FRMPD4: variants seen among roughly 807,000 people sequenced by gnomAD.
The protein encoded by FRMPD4 is FERM and PDZ domain containing 4, also known as FERM and PDZ domain-containing protein 4.
FRMPD4 carries 22 observed loss-of-function variants against 94.1 expected under a neutral mutation model. That is an observed-to-expected ratio of 0.23 (90% CI 0.17 to 0.33). The LOEUF (loss-of-function observed/expected upper bound fraction) is 0.33, where lower values mean the gene tolerates loss of function less well. Among genes scored for constraint, FRMPD4 ranks in the 10% least tolerant of loss-of-function variants. FRMPD4 has a pLI of 1.00. For synonymous variants in FRMPD4, 631 were observed against 548.6 expected (o/e 1.15, Z -2.10); for missense variants, 1,111 against 1,339.9 (o/e 0.83, Z 2.67).
intron 1 of FRMPD4, among the ~76,000 whole-genome samples, chrX:12,245,705 A>G (rs1006759169): frequency 9.1e-6 from 1 of 109,593 alleles, no homozygotes; most frequent in Non-Finnish European, 1.9e-5. Flanking sequence ...TGCTGTTATC[A>G]TGGGTGTGGC....
chrX:12,317,341 T>A (rs1166531386), intron 1 of FRMPD4, among the ~76,000 whole-genome samples: 1 of 110,559 alleles, frequency 9.0e-6, no homozygotes, highest in African/African-American at 3.3e-5. Flanking sequence ...GAAGAAAACA[T>A]TCAGGAAATG....
intron 3 of FRMPD4, among the ~76,000 whole-genome samples, chrX:11,966,792 A>G (rs184793188): frequency 8.7e-4 from 98 of 112,240 alleles, no homozygotes; most frequent in Non-Finnish European, 1.4e-3. Flanking sequence ...GCTTTGATCT[A>G]AAATCCTCTT....
chrX:11,882,343 T>C (rs189267666), intron 3 of FRMPD4, among the ~76,000 whole-genome samples: 1 of 111,238 alleles, frequency 9.0e-6, no homozygotes, highest in Admixed American at 9.5e-5. Flanking sequence ...TTGGGAACTC[T>C]AGGGCGTTCA....
rs149191333 is a variant in FRMPD4, at chrX:12,508,264, G to A, written c.158+9468G>A. Reference sequence around the variant, plus strand: ...TCCTTTTGCTCCAAGCTCATGAGAGGTTCCTCAGGTGGTTCTTTTTTTTTT... The same window carrying A: ...TCCTTTTGCTCCAAGCTCATGAGAGATTCCTCAGGTGGTTCTTTTTTTTTT... On this transcript the variant is annotated intron_variant, in intron 2 of 16. Transcript: ENST00000675598. Among the ~76,000 whole-genome samples, 319 of 85,800 alleles carry A rather than the reference G, an allele frequency of 3.7e-3. 2 individuals are homozygous for A. Among genetic ancestry groups the A allele is most frequent in the African/African-American group, 0.015 (306 of 19,851 alleles). The allele number at this position is 85,800 out of a possible 115,157, so 74.5% of individuals were successfully genotyped here.
At chrX:12,473,580 C>T (rs1471310104) in intron 1 of FRMPD4, among the ~76,000 whole-genome samples, 3 of 109,429 alleles carry the variant, frequency 2.7e-5, no homozygotes, top group Non-Finnish European at 3.8e-5. Context: ...ACCTCATGTG[C>T]GGAGACACAC....
chrX:12,553,335 A>C (rs2058557974), intron 2 of FRMPD4, among the ~76,000 whole-genome samples: 2 of 105,786 alleles, frequency 1.9e-5, no homozygotes, highest in Non-Finnish European at 1.9e-5. Flanking sequence ...TCTGTTTTGC[A>C]ACTGCAGAGA....
intron 2 of FRMPD4, among the ~76,000 whole-genome samples, chrX:12,531,310 G>A (rs2058283696): frequency 8.9e-6 from 1 of 111,861 alleles, no homozygotes; most frequent in South Asian, 3.8e-4. Context: ...GTTTTAGTAA[G>A]GGACGTGGGA....
At chrX:11,902,755 A>G (rs1318743430) in intron 3 of FRMPD4, among the ~76,000 whole-genome samples, 1 of 111,379 alleles carries the variant, frequency 9.0e-6, no homozygotes, top group African/African-American at 3.3e-5. Context: ...TGGAATCGAA[A>G]TGGAAATGGT....
At chrX:12,431,880 G>T (rs766524519) in intron 1 of FRMPD4, among the ~76,000 whole-genome samples, 24 of 111,919 alleles carry the variant, frequency 2.1e-4, no homozygotes, top group African/African-American at 7.8e-4. Context: ...TGTCATTTCT[G>T]CCTTATCTGG....
intron 11 of FRMPD4, among the ~76,000 whole-genome samples, chrX:12,705,045 G>A (rs561167346): frequency 6.3e-5 from 7 of 111,814 alleles, no homozygotes; most frequent in African/African-American, 1.6e-4. Context: ...TCCCGTGATC[G>A]TGACAAACAA....
chrX:12,039,095 C>A (rs2054736318), intron 3 of FRMPD4, among the ~76,000 whole-genome samples: 1 of 110,953 alleles, frequency 9.0e-6, no homozygotes, highest in East Asian at 2.8e-4. Context: ...TTTGACCTCT[C>A]TTGCTGAAGC....
At chrX:12,364,454 G>T (rs1223985473) in intron 1 of FRMPD4, among the ~76,000 whole-genome samples, 1 of 111,278 alleles carries the variant, frequency 9.0e-6, no homozygotes, top group Non-Finnish European at 1.9e-5. Context: ...GGCAAAGCAG[G>T]TGTCCTTGGT....
chrX:12,272,541 G>A (rs2054370278), intron 1 of FRMPD4, among the ~76,000 whole-genome samples: 1 of 111,517 alleles, frequency 9.0e-6, no homozygotes, highest in Admixed American at 9.5e-5. Context: ...TTGGGCCTAG[G>A]ATGAATTGTA....
chrX:12,233,977 A>AT (rs2057042412), intron 1 of FRMPD4, among the ~76,000 whole-genome samples: 1 of 103,194 alleles, frequency 9.7e-6, no homozygotes, highest in Non-Finnish European at 2.0e-5. Flanking sequence ...GAATGAATGA[A>AT]TTATTTATTT....
intron 3 of FRMPD4, among the ~76,000 whole-genome samples, chrX:12,054,500 C>T: frequency 9.0e-6 from 1 of 111,308 alleles, no homozygotes; most frequent in East Asian, 2.8e-4. Flanking sequence ...ACCCCTGACC[C>T]CCCATTCTCA....
intron 2 of FRMPD4, among the ~76,000 whole-genome samples, chrX:12,533,674 C>G (rs1361921882): frequency 1.8e-5 from 2 of 112,031 alleles, no homozygotes; most frequent in African/African-American, 6.5e-5. Context: ...AAAGAGACTG[C>G]TGGCATTTTG....
intron 1 of FRMPD4, among the ~76,000 whole-genome samples, chrX:11,862,701 G>A (rs1218672475): frequency 9.0e-6 from 1 of 111,054 alleles, no homozygotes; most frequent in African/African-American, 3.3e-5. Flanking sequence ...GGAACTCCCT[G>A]ACAGTTTTGC....
In FRMPD4 at chrX:12,704,421, A is replaced by G. The variant is rs748194963; in HGVS notation, c.1133A>G (p.Asn378Ser). Residue 378 changes from asparagine to serine, a missense_variant, in exon 11 of 17, where the codon AAC becomes AGC. Around this residue, in one of 8 missense-constraint regions of FRMPD4, gnomAD observed 111 missense variants for 160.7 expected, o/e 0.69. Transcript: ENST00000675598. ...GTGCTGCAAAGCATGAAAGAGAAGAACATAAAGAAAGCACTTTCACACCTT... is the reference window on the plus strand; with the variant it reads ...GTGCTGCAAAGCATGAAAGAGAAGAGCATAAAGAAAGCACTTTCACACCTT... ...SAVLQSMKEK[N>S]IKKALSHLVK... 1 of 1,187,603 alleles carries G rather than the reference A, an allele frequency of 8.4e-7. No homozygotes were observed. Among genetic ancestry groups the G allele is most frequent in the Admixed American group, 2.2e-5 (1 of 45,048 alleles).
chrX:12,575,752 G>C (rs2058805761), intron 2 of FRMPD4, among the ~76,000 whole-genome samples: 4 of 111,658 alleles, frequency 3.6e-5, no homozygotes, highest in African/African-American at 9.8e-5. Flanking sequence ...AGAAGAGTCA[G>C]AGCGATATGA....
Sources: allele counts gnomAD v4.1 joint callset (sites outside exome capture counted in the v4.1 genomes callset), GRCh38; gene constraint gnomAD v4.1.1; regional missense constraint gnomAD v4.1.1; transcripts MANE v1.5; gene names NCBI Gene and HGNC (gene_info 2026-07-23, HGNC 2026-07-21).